The following DHTKD1 variants were observed in gnomAD, a reference collection of about 807,000 sequenced individuals.
DHTKD1 encodes the protein dehydrogenase E1 and transketolase domain containing 1.
In DHTKD1, 78 loss-of-function variants were observed where a neutral mutation model predicts 101.8. The ratio of observed to expected loss-of-function variants is 0.77; its 90% CI spans 0.64 to 0.93. DHTKD1 has a LOEUF of 0.93. Ranked by LOEUF, DHTKD1 falls within the 40% of genes least tolerant of loss-of-function variation. DHTKD1 has a pLI of 0.00. For missense variants in DHTKD1, 1,223 were observed against 1,161.7 expected, an observed-to-expected ratio of 1.05 and a Z score of -0.77; for synonymous variants, 462 against 450.3, an observed-to-expected ratio of 1.03 and a Z score of -0.33.
intron 7 of DHTKD1, 111 bp from the exon 8 acceptor site, chr10:12,097,573 G>A (rs1043172666): frequency 7.4e-5 from 70 of 946,698 alleles, no homozygotes; most frequent in Middle Eastern, 6.8e-4. Flanking sequence ...TGCACCTGTC[G>A]AATGCCTTTT....
intron 1 of DHTKD1, among the ~76,000 whole-genome samples, chr10:12,076,995 A>AAAAAG (rs1554790544): frequency 0.16 from 20,633 of 126,920 alleles, 2,542 homozygotes; most frequent in South Asian, 0.42. Context: ...AAAAAAAAAA[A>AAAAAG]GGAAGAAAAA....
At chr10:12,111,310 C>A (rs1246600018) in intron 12 of DHTKD1, among the ~76,000 whole-genome samples, 1 of 152,106 alleles carries the variant, frequency 6.6e-6, no homozygotes, top group Non-Finnish European at 1.5e-5. Flanking sequence ...GGATTATAGG[C>A]TTGTGCCACG....
rs999096736 is a variant in DHTKD1 at position 12,103,694 on chromosome 10, T to C, written c.1896+2513T>C. 6.6e-6 allele frequency among the ~76,000 whole-genome samples: 1 copy of C among 152,096 alleles called. No individual in the cohort carries two copies. The highest frequency in any genetic ancestry group is 1.5e-5 in the Non-Finnish European group (1 of 68,018). ...CCACGCCTGGCTACTTTTAAATATT[T>C]TGTAGAGATAGGAGTCTCACTGTGA... On this transcript the variant is annotated intron_variant, in intron 10 of 16. Transcript: ENST00000263035. This position sits in a 1 kb window ranked among gnomAD's most constrained non-coding sequence, Gnocchi z 4.8.
Position 12,101,058 on chromosome 10 carries a change from A to G in DHTKD1, c.1773A>G (p.Leu591=), listed in dbSNP as rs755345828. The G allele has an allele frequency of 1.9e-6, 3 of 1,613,874 alleles. No individual in the cohort carries two copies. In the South Asian group the frequency reaches 3.3e-5, roughly 18 times the overall value. ...SLLAQGFNVR[L]SGQDVGRGTF... ...TTGCTTAAGGTTTTAATGTTCGTCT[A>G]AGTGGCCAAGATGTTGGTCGTGGAA... is the stretch of plus-strand genomic sequence containing the variant. The change falls in exon 10 of 17, where the codon CTA becomes CTG. Residue 591 remains leucine (L), a synonymous_variant. Coordinates refer to ENST00000263035, the MANE Select transcript of DHTKD1 (RefSeq NM_018706.7).
intron 7 of DHTKD1, 49 bp from the exon 8 acceptor site, chr10:12,097,635 A>AG (rs766330306): frequency 1.1e-5 from 16 of 1,507,112 alleles, no homozygotes; most frequent in Non-Finnish European, 1.4e-5. Context: ...TGTCTCTATT[A>AG]GATTGTTACA....
Position 12,107,180 on chromosome 10 carries a change from G to A in DHTKD1, c.2048-729G>A, listed in dbSNP as rs965028569. Among the ~76,000 whole-genome samples, 9 of 151,776 alleles carry A rather than the reference G, an allele frequency of 5.9e-5. No individual in the cohort carries two copies. Among genetic ancestry groups the A allele is most frequent in the Admixed American group, 2.6e-4 (4 of 15,214 alleles). The stretch of plus-strand genomic sequence containing the variant: ...TTTTTGTATTTTTAGTAGAGATGGG[G>A]TTTCACCGTGTCAGCCGGGATGGTC... On this transcript the variant is annotated intron_variant, in intron 11 of 16. Coordinates refer to ENST00000263035, the MANE Select transcript of DHTKD1 (RefSeq NM_018706.7). This position sits in a 1 kb window ranked among gnomAD's most constrained non-coding sequence, Gnocchi z 4.1.
chr10:12,116,592 T>C (rs756281446), intron 13 of DHTKD1, among the ~76,000 whole-genome samples: 1 of 151,942 alleles, frequency 6.6e-6, no homozygotes, highest in Non-Finnish European at 1.5e-5. Context: ...GGTTTCACCA[T>C]GTTGGCCAGG....
At chr10:12,111,450 G>A (rs996925949) in intron 12 of DHTKD1, among the ~76,000 whole-genome samples, 4 of 152,218 alleles carry the variant, frequency 2.6e-5, no homozygotes, top group Admixed American at 6.5e-5. Flanking sequence ...TCAGGCATGG[G>A]CCACCGCGCC....
chr10:12,108,000 A>G lies in DHTKD1; in HGVS notation c.2139A>G (p.Ile713Met). 6.2e-7 allele frequency: 1 copy of G among 1,613,654 alleles called. No individual in the cohort carries two copies. Among genetic ancestry groups the G allele is most frequent in the Non-Finnish European group, 8.5e-7 (1 of 1,179,604 alleles). The change falls in exon 12 of 17, where the codon ATA (isoleucine) becomes ATG (methionine). Residue 713 changes from isoleucine (I) to methionine (M), a missense_variant. Transcript: ENST00000263035. The surrounding 1 kb of genome is among the most constrained non-coding windows in gnomAD (Gnocchi z 4.1). ...GAGPDHSSCR[I>M]ERFLQMCDSA... ...GGCCAGACCACTCATCCTGTCGAAT[A>G]GAGCGTTTCCTGCAGGTAAGGGTAA...
chr10:12,084,917 G>A (rs1007266460), intron 3 of DHTKD1, among the ~76,000 whole-genome samples, 166 bp downstream of exon 3: 11 of 152,048 alleles, frequency 7.2e-5, no homozygotes, highest in Non-Finnish European at 1.5e-4. Flanking sequence ...CAGGCATGCT[G>A]GTGCATGCCT....
rs1363866819 is a variant in DHTKD1 at position 12,089,255 on chromosome 10, G to A, written c.987G>A (p.Gln329=). ...AQPGDRVICL[Q]VHGDASFCGQ... ...CGGGGGACAGGGTCATTTGCTTACAGGTACTTGGAGCTTCTGAAATTGAGG... is the reference window on the plus strand; with the variant it reads ...CGGGGGACAGGGTCATTTGCTTACAAGTACTTGGAGCTTCTGAAATTGAGG... The change falls in exon 5 of 17, where the codon CAG becomes CAA. Residue 329 remains glutamine, a splice_region_variant and synonymous_variant. Transcript: ENST00000263035. The A allele has an allele frequency of 6.2e-7, 1 of 1,611,840 alleles. No homozygotes were observed. Among genetic ancestry groups the A allele is most frequent in the Admixed American group, 1.7e-5 (1 of 59,948 alleles).
intron 7 of DHTKD1, among the ~76,000 whole-genome samples, chr10:12,097,417 C>T (rs952830729): frequency 7.2e-5 from 11 of 152,030 alleles, no homozygotes; most frequent in East Asian, 1.9e-4. Flanking sequence ...GGATTACAGG[C>T]GCCCGCCACC....
At chr10:12,077,804 G>A (rs1564387971) in intron 1 of DHTKD1, among the ~76,000 whole-genome samples, 2 of 148,672 alleles carry the variant, frequency 1.3e-5, no homozygotes, top group Non-Finnish European at 3.0e-5. Flanking sequence ...ATTAAACCCA[G>A]GAGTGTGAGG....
rs1323973055 is a variant in DHTKD1 at position 12,089,397 on chromosome 10, A to C, written c.987+142A>C. 3 of 869,276 alleles carry C rather than the reference A, an allele frequency of 3.5e-6. No homozygotes were observed. In the African/African-American group the frequency reaches 5.1e-5, roughly 15 times the overall value. The allele number at this position is 869,276 out of a possible 1,614,324, so 53.8% of individuals were successfully genotyped here. The stretch of plus-strand genomic sequence containing the variant: ...GAAAAAGATTCTGGGATTGTTTTAA[A>C]AACTAACAGGAGATTCATGAGGTTT... On this transcript the variant is annotated intron_variant, in intron 5 of 16. Coordinates refer to ENST00000263035, the MANE Select transcript of DHTKD1 (RefSeq NM_018706.7).
intron 9 of DHTKD1, 23 bp downstream of exon 9, chr10:12,100,285 C>CTGTTTTTTTTTGT: frequency 4.4e-6 from 1 of 228,240 alleles, no homozygotes; most frequent in Admixed American, 8.7e-5. Flanking sequence ...TTTTTTTTTT[C>CTGTTTTTTTTTGT]TGTTTTTTTT....
At position 12,099,793 on chromosome 10, in the gene DHTKD1, C is replaced by CT. The variant is rs55758504; in HGVS notation, c.1672-364dup. Among the ~76,000 whole-genome samples, 338 of 96,166 alleles carry CT rather than the reference C, an allele frequency of 3.5e-3. 3 individuals are homozygous for CT. The highest frequency in any genetic ancestry group is 0.011 in the Middle Eastern group (2 of 176). 63.1% of individuals were successfully genotyped at this position (96,166 alleles called of 152,430 possible). ...TTGTTTTTGATGCTTAATTTCGTTG[C>CT]TTTTTTTTTTTTTTTTTTTTTGAGA... On this transcript the variant is annotated intron_variant, in intron 8 of 16. Coordinates refer to ENST00000263035, the MANE Select transcript of DHTKD1 (RefSeq NM_018706.7).
intron 15 of DHTKD1, 117 bp downstream of exon 15, chr10:12,119,035 G>A (rs1035232534): frequency 4.5e-5 from 46 of 1,014,152 alleles, no homozygotes; most frequent in South Asian, 6.1e-5. Flanking sequence ...GGCCGGGCGC[G>A]GTGGCTCACA....
At position 12,120,764 on chromosome 10, in the gene DHTKD1, TTTC is replaced by T. The variant is rs1157550924; in HGVS notation, c.2659-18_2659-16del. ...CTGATCTAGTCAAAATGTCATTTTA[TTTC>T]TTCTCTGCTGCACTTATAGCTCCGT... On this transcript the variant is annotated intron_variant, in intron 16 of 16. Transcript: ENST00000263035. 6.2e-7 allele frequency: 1 copy of T among 1,602,836 alleles called. No homozygotes were observed. Among genetic ancestry groups the T allele is most frequent in the Non-Finnish European group, 8.5e-7 (1 of 1,169,852 alleles).
Position 12,121,270 on chromosome 10 carries a change from C to T in DHTKD1, c.*382C>T, listed in dbSNP as rs969774176. ...AAAAGAGGCCTCCTTCCTCCACTCT[C>T]TCAACCCCTCTGTTGGGTAACATGA... On this transcript the variant is annotated 3_prime_UTR_variant, in exon 17 of 17. Coordinates refer to ENST00000263035, the MANE Select transcript of DHTKD1 (RefSeq NM_018706.7). 1 of 212,124 alleles carries T rather than the reference C, an allele frequency of 4.7e-6. No homozygotes were observed. The highest frequency in any genetic ancestry group is 2.3e-5 in the African/African-American group (1 of 43,490). 13.1% of individuals were successfully genotyped at this position (212,124 alleles called of 1,614,324 possible).
Sources: allele counts gnomAD v4.1 joint callset (sites outside exome capture counted in the v4.1 genomes callset), GRCh38; gene constraint gnomAD v4.1.1; non-coding constraint Gnocchi (gnomAD v3.1); transcripts MANE v1.5; gene names NCBI Gene and HGNC (gene_info 2026-07-23, HGNC 2026-07-21).